The following GALNT13 variants were observed in gnomAD, a reference collection of about 807,000 sequenced individuals.
GALNT13 encodes polypeptide N-acetylgalactosaminyltransferase 13.
GALNT13 carries 28 observed loss-of-function variants against 64.2 expected under a neutral mutation model. The ratio of observed to expected loss-of-function variants is 0.44; its 90% CI spans 0.32 to 0.60. The LOEUF (loss-of-function observed/expected upper bound fraction) is 0.60. Ranked by LOEUF, GALNT13 falls within the 20% of genes least tolerant of loss-of-function variation. GALNT13 has a pLI of 0.05. For missense variants in GALNT13, 577 were observed against 669.8 expected, an observed-to-expected ratio of 0.86 and a Z score of 1.53; for synonymous variants, 214 against 224.6, an observed-to-expected ratio of 0.95 and a Z score of 0.42.
chr2:154,015,853 A>G (rs1221042341), intron 3 of GALNT13, among the ~76,000 whole-genome samples: 1 of 152,154 alleles, frequency 6.6e-6, no homozygotes, highest in Admixed American at 6.5e-5. Context: ...AAATTTTAAA[A>G]TTATATTTAT....
chr2:153,413,822 C>T, the GALNT13 span, among the ~76,000 whole-genome samples: 112 of 152,112 alleles, frequency 7.4e-4, no homozygotes, highest in Non-Finnish European at 1.5e-3. Flanking sequence ...GTATTGTATT[C>T]AGAGTCTCAG....
the GALNT13 span, among the ~76,000 whole-genome samples, chr2:153,830,222 G>A: frequency 3.9e-5 from 6 of 152,094 alleles, no homozygotes; most frequent in East Asian, 1.9e-4. Flanking sequence ...CAAAATCTGC[G>A]TAATATTTCA....
intron 11 of GALNT13, among the ~76,000 whole-genome samples, chr2:154,431,160 A>G (rs373072172): frequency 1.3e-5 from 2 of 152,192 alleles, no homozygotes; most frequent in East Asian, 3.9e-4. Context: ...GGATTAAAAA[A>G]AGGAAAGAAA....
chr2:153,847,545 G>A, the GALNT13 span, among the ~76,000 whole-genome samples: 1 of 151,946 alleles, frequency 6.6e-6, no homozygotes, highest in Non-Finnish European at 1.5e-5. Context: ...TTGGGAGTAA[G>A]TTTGGAATCA....
At chr2:154,336,741 T>A (rs1385971777) in intron 9 of GALNT13, among the ~76,000 whole-genome samples, 2 of 152,000 alleles carry the variant, frequency 1.3e-5, no homozygotes, top group Non-Finnish European at 2.9e-5. Flanking sequence ...GGAATTTGAT[T>A]GTGGTTGTTT....
intron 9 of GALNT13, among the ~76,000 whole-genome samples, chr2:154,337,579 G>A (rs1208761002): frequency 1.3e-5 from 2 of 151,876 alleles, no homozygotes; most frequent in African/African-American, 2.4e-5. Context: ...TTAGTGCTTA[G>A]CATTTCAGCT....
the GALNT13 span, among the ~76,000 whole-genome samples, chr2:153,157,565 C>T: frequency 2.0e-5 from 3 of 152,134 alleles, no homozygotes; most frequent in Non-Finnish European, 2.9e-5. Flanking sequence ...TCTTGGGACT[C>T]ACCATCTTAT....
chr2:153,616,148 T>A, the GALNT13 span, among the ~76,000 whole-genome samples: 20 of 151,960 alleles, frequency 1.3e-4, no homozygotes. Flanking sequence ...ATTTTTTTTT[T>A]CTGCATGTGG....
the GALNT13 span, among the ~76,000 whole-genome samples, chr2:153,360,159 G>A: frequency 6.6e-6 from 1 of 152,182 alleles, no homozygotes; most frequent in African/African-American, 2.4e-5. Context: ...GAGCAGTGGG[G>A]TATGACAGCC....
the GALNT13 span, among the ~76,000 whole-genome samples, chr2:153,254,254 G>T: frequency 6.6e-6 from 1 of 151,832 alleles, no homozygotes; most frequent in African/African-American, 2.4e-5. Flanking sequence ...GTTTATTTGC[G>T]TAGAGGTATT....
chr2:153,239,729 A>G, the GALNT13 span, among the ~76,000 whole-genome samples: 1 of 152,146 alleles, frequency 6.6e-6, no homozygotes, highest in Non-Finnish European at 1.5e-5. Flanking sequence ...TTAGTTTGCT[A>G]GTATTATGAG....
At chr2:154,216,585 A>G (rs531144816) in intron 4 of GALNT13, among the ~76,000 whole-genome samples, 7 of 152,126 alleles carry the variant, frequency 4.6e-5, no homozygotes, top group African/African-American at 1.4e-4. Context: ...TTAAAATGAG[A>G]TTAAATCAAG....
At chr2:153,537,694 G>A in the GALNT13 span, among the ~76,000 whole-genome samples, 2 of 152,086 alleles carry the variant, frequency 1.3e-5, no homozygotes, top group African/African-American at 4.8e-5. Flanking sequence ...CCCCCATGCT[G>A]TTCTTGTGAT....
chr2:153,372,631 C>A, the GALNT13 span, among the ~76,000 whole-genome samples: 27 of 148,376 alleles, frequency 1.8e-4, no homozygotes, highest in Non-Finnish European at 3.3e-4. Flanking sequence ...GGTGACAGAG[C>A]GAGACTCTGT....
intron 4 of GALNT13, among the ~76,000 whole-genome samples, chr2:154,146,584 C>T (rs1388059700): frequency 6.6e-6 from 1 of 151,952 alleles, no homozygotes; most frequent in African/African-American, 2.4e-5. Context: ...GAGCTGAAGG[C>T]AATTAAGGAA....
At chr2:153,278,760 T>A in the GALNT13 span, among the ~76,000 whole-genome samples, 1 of 152,096 alleles carries the variant, frequency 6.6e-6, no homozygotes, top group Admixed American at 6.5e-5. Context: ...TTACTGCAGC[T>A]TCCGTCACAG....
the GALNT13 span, among the ~76,000 whole-genome samples, chr2:153,487,996 A>C: frequency 1.3e-5 from 2 of 152,226 alleles, no homozygotes; most frequent in African/African-American, 4.8e-5. Context: ...ATATTAAGGT[A>C]AATGAAACTT....
At chr2:153,728,754 A>C in the GALNT13 span, among the ~76,000 whole-genome samples, 3 of 152,174 alleles carry the variant, frequency 2.0e-5, no homozygotes, top group Non-Finnish European at 4.4e-5. Context: ...AGACTAATAA[A>C]GAAGAAAAGA....
chr2:153,799,554 A>G, the GALNT13 span, among the ~76,000 whole-genome samples: 9 of 152,312 alleles, frequency 5.9e-5, no homozygotes, highest in East Asian at 1.5e-3. Flanking sequence ...CACAAGAATT[A>G]TCAAGTAGGT....
Sources: allele counts gnomAD v4.1 joint callset (sites outside exome capture counted in the v4.1 genomes callset), GRCh38; gene constraint gnomAD v4.1.1; transcripts MANE v1.5; gene names NCBI Gene and HGNC (gene_info 2026-07-23, HGNC 2026-07-21).